Variants in CDC42BPG observed in about 807,000 individuals in gnomAD.
CDC42BPG encodes serine/threonine-protein kinase MRCK gamma.
A neutral mutation model predicts 192.2 loss-of-function variants in CDC42BPG; 157 were observed. The observed-to-expected ratio is 0.82, with a 90% CI of 0.72 to 0.93. The LOEUF (loss-of-function observed/expected upper bound fraction) is 0.93, where lower values mean the gene tolerates loss of function less well. Ranked by LOEUF, CDC42BPG falls within the 40% of genes least tolerant of loss-of-function variation. The probability of loss-of-function intolerance (pLI) is 0.00; values close to 1 mark genes in which losing one functional copy is unlikely to be tolerated. For synonymous variants in CDC42BPG, 981 were observed against 918.5 expected (o/e 1.07, Z -1.23); for missense variants, 1,992 against 2,122.1 (o/e 0.94, Z 1.20).
chr11:64,838,577 G>T (rs970746699), intron 8 of CDC42BPG, 77 bp downstream of exon 8: 2 of 1,575,094 alleles, frequency 1.3e-6, no homozygotes, highest in Non-Finnish European at 1.7e-6. Context: ...CCACCCCAGG[G>T]GACTTCAGAG....
Position 64,832,881 on chromosome 11 carries a change from G to A in CDC42BPG, c.2810C>T (p.Ala937Val), listed in dbSNP as rs1452981175. The A allele has an allele frequency of 1.9e-6, 3 of 1,559,216 alleles. No homozygotes were observed. The highest frequency in any genetic ancestry group is 4.8e-5 in the East Asian group (2 of 41,260). ...CPVPPDLLRT[A>V]LGVHPETGTG... is the part of the protein sequence containing the mutation. Reference sequence around the variant, plus strand: ...GCCTGTTTCGGGGTGTACTCCCAGGGCTGTGCGGAGGAGGTCAGGGGGCAC... The same window carrying A: ...GCCTGTTTCGGGGTGTACTCCCAGGACTGTGCGGAGGAGGTCAGGGGGCAC... Residue 937 changes from alanine to valine, a missense_variant, in exon 25 of 37, where the codon GCC (alanine) becomes GTC (valine). Transcript: ENST00000342711.
Position 64,838,732 on chromosome 11 carries a change from C to G in CDC42BPG, c.1047G>C (p.Thr349=), listed in dbSNP as rs749844783. 5.6e-6 allele frequency: 9 copies of G among 1,612,864 alleles called. No individual in the cohort carries two copies. The highest frequency in any genetic ancestry group is 2.2e-5 in the East Asian group (1 of 44,898). ...GVDWERLASS[T]APYIPELRGP... is the part of the protein sequence containing the mutation. ...CCCGCAGCTCAGGAATATAGGGGGC[C>G]GTGCTGCTCGCCAGCCGCTCCCAGT... The change falls in exon 8 of 37, where the codon ACG becomes ACC. Residue 349 remains threonine, a synonymous_variant. Coordinates refer to ENST00000342711, the MANE Select transcript of CDC42BPG (RefSeq NM_017525.3).
intron 4 of CDC42BPG, 69 bp from the exon 5 acceptor site, chr11:64,840,337 G>A (rs1943225435): frequency 1.3e-6 from 2 of 1,571,978 alleles, no homozygotes; most frequent in Middle Eastern, 1.7e-4. Context: ...CGGTCCCGCA[G>A]GGCTCTGGGA....
Position 64,833,337 on chromosome 11 carries a change from C to T in CDC42BPG, c.2626-1G>A. 2 of 1,469,160 alleles carry T rather than the reference C, an allele frequency of 1.4e-6. No individual in the cohort carries two copies. The highest frequency in any genetic ancestry group is 1.8e-6 in the Non-Finnish European group (2 of 1,088,024). 91.0% of individuals were successfully genotyped at this position (1,469,160 alleles called of 1,614,324 possible). A position where few individuals can be genotyped will look rare whatever the true frequency, so the allele number is the denominator to read the frequency against. On this transcript the variant is annotated splice_acceptor_variant, in intron 23 of 36. Transcript: ENST00000342711. LOFTEE classifies it high-confidence loss of function. ...GGGGGCGCAGCGTGTGTGAGCCGGG[C>T]TGGGGAGGGGGACAGCCATTACCCA...
Position 64,831,564 on chromosome 11 carries a change from T to C in CDC42BPG, c.3245A>G (p.Lys1082Arg), listed in dbSNP as rs754935812. The stretch of plus-strand genomic sequence containing the variant: ...CGGCAGCCCGTTGTCGTAAGCCTCC[T>C]TGAGTGTGTACACGGGCCGGGGTCT... Reference protein sequence around the residue: ...RPRPRPVYTLKEAYDNGLPLL... With the variant: ...RPRPRPVYTLREAYDNGLPLL... Residue 1082 changes from lysine (K) to arginine (R), a missense_variant, in exon 28 of 37, where the codon AAG (lysine) becomes AGG (arginine). Around this residue, in one of 2 missense-constraint regions of CDC42BPG, gnomAD observed 1,656 missense variants for 1,844.3 expected, o/e 0.90. Coordinates refer to ENST00000342711, the MANE Select transcript of CDC42BPG (RefSeq NM_017525.3). The C allele has an allele frequency of 6.2e-7, 1 of 1,612,668 alleles. No homozygotes were observed. Among genetic ancestry groups the C allele is most frequent in the South Asian group, 1.1e-5 (1 of 91,058 alleles).
In CDC42BPG at chr11:64,840,627, G is replaced by A. The variant is rs1592723719; in HGVS notation, c.358C>T (p.Arg120Trp). 1.2e-6 allele frequency: 2 copies of A among 1,613,858 alleles called. No individual in the cohort carries two copies. The highest frequency in any genetic ancestry group is 1.7e-6 in the Non-Finnish European group (2 of 1,180,012). The change falls in exon 4 of 37, where the codon CGG (arginine) becomes TGG (tryptophan). Residue 120 changes from arginine (R) to tryptophan (W), a missense_variant. By Grantham distance (101) the Arg-to-Trp change is moderately radical (BLOSUM62 -3). Transcript: ENST00000342711. ...CTGTCCCCTTTCACGAGCACATCCC[G>A]CTCCTCCCGGAAACAGGCTGTCTGC... ...RAETACFREE[R>W]DVLVKGDSRW... is the part of the protein sequence containing the mutation.
Position 64,827,697 on chromosome 11 carries a change from G to T in CDC42BPG, c.4054C>A (p.Pro1352Thr), listed in dbSNP as rs1243399507. 1 of 1,611,532 alleles carries T rather than the reference G, an allele frequency of 6.2e-7. No individual in the cohort carries two copies. The highest frequency in any genetic ancestry group is 1.3e-5 in the African/African-American group (1 of 74,984). The stretch of plus-strand genomic sequence containing the variant: ...TGGCGGACCCTCACCTTCTTGAGCG[G>T]CACGGTCTGCACCCATTCTGCCCTC... ...VRRAEWVQTV[P>T]LKKVRPLNPE... is the part of the protein sequence containing the mutation. Residue 1352 changes from proline (P) to threonine (T), a missense_variant, in exon 31 of 37, where the codon CCG becomes ACG. Pro to Thr is a conservative substitution (Grantham distance 38). Coordinates refer to ENST00000342711, the MANE Select transcript of CDC42BPG (RefSeq NM_017525.3).
intron 8 of CDC42BPG, 114 bp from the exon 9 acceptor site, chr11:64,838,276 G>T (rs1943113952): frequency 2.6e-6 from 2 of 768,606 alleles, no homozygotes; most frequent in Non-Finnish European, 2.1e-6. Context: ...GGGAACTCAG[G>T]GGGGTAACAC....
At chr11:64,826,441 G>GGAC in intron 36 of CDC42BPG, 29 bp downstream of exon 36, 1 of 1,509,204 alleles carries the variant, frequency 6.6e-7, no homozygotes. Flanking sequence ...TTTGAATAGG[G>GGAC]GACGGACAAG....
rs1942474076 is a variant in CDC42BPG, at chr11:64,827,295, C to T, written c.4254G>A (p.Gln1418=). 1 of 1,613,916 alleles carries T rather than the reference C, an allele frequency of 6.2e-7. No homozygotes were observed. The highest frequency in any genetic ancestry group is 8.5e-7 in the Non-Finnish European group (1 of 1,179,916). ...ACGCGCACCTGCGCTGCTGCTTCTG[C>T]TGCTCCTCCGACACGCGGAAAAAGA... ...RRFFFRVSEE[Q]QKQQRREMLK... Residue 1418 remains glutamine, a synonymous_variant, in exon 33 of 37, where the codon CAG becomes CAA. Transcript: ENST00000342711.
Position 64,823,575 on chromosome 11 carries a change from CT to C in CDC42BPG, c.*897del, listed in dbSNP as rs1942318956. 6.6e-6 allele frequency: 1 copy of C among 152,148 alleles called. No homozygotes were observed. Among genetic ancestry groups the C allele is most frequent in the Non-Finnish European group, 1.5e-5 (1 of 68,020 alleles). 9.4% of individuals were successfully genotyped at this position (152,148 alleles called of 1,614,324 possible). On this transcript the variant is annotated 3_prime_UTR_variant, in exon 37 of 37. Transcript: ENST00000342711. ...ATGCGCCCTAGTTTCCAATACACAACTGGTTGAAGATTCGAGAAAAACGACC... is the reference window on the plus strand; with the variant it reads ...ATGCGCCCTAGTTTCCAATACACAACGGTTGAAGATTCGAGAAAAACGACC...
chr11:64,826,367 G>T, intron 36 of CDC42BPG, 103 bp downstream of exon 36: 1 of 797,350 alleles, frequency 1.3e-6, no homozygotes, highest in Non-Finnish European at 2.1e-6. Flanking sequence ...GCAGGGATGG[G>T]CTCAGCTTGT....
Position 64,824,344 on chromosome 11 carries a change from T to C in CDC42BPG, c.*129A>G. The C allele has an allele frequency of 3.8e-6, 3 of 783,316 alleles. No homozygotes were observed. Among genetic ancestry groups the C allele is most frequent in the South Asian group, 2.8e-5 (2 of 72,328 alleles). The allele number at this position is 783,316 out of a possible 1,614,324, so 48.5% of individuals were successfully genotyped here. A position where few individuals can be genotyped will look rare whatever the true frequency, so the allele number is the denominator to read the frequency against. ...GAACCCAGGCAAGTCTCCCAGTCAT[T>C]GCCCAGCCCGGGTCCTCCCTGAGTC... On this transcript the variant is annotated 3_prime_UTR_variant, in exon 37 of 37. Transcript: ENST00000342711.
chr11:64,823,108 A>G lies in CDC42BPG; in HGVS notation c.*1365T>C, dbSNP rs1358059108. 1.5e-5 allele frequency among the ~76,000 whole-genome samples: 2 copies of G among 135,592 alleles called. No individual in the cohort carries two copies. The highest frequency in any genetic ancestry group is 4.1e-4 in the East Asian group (2 of 4,902). The allele number at this position is 135,592 out of a possible 152,430, so 89.0% of individuals were successfully genotyped here. A position where few individuals can be genotyped will look rare whatever the true frequency, so the allele number is the denominator to read the frequency against. On this transcript the variant is annotated 3_prime_UTR_variant, in exon 37 of 37. Coordinates refer to ENST00000342711, the MANE Select transcript of CDC42BPG (RefSeq NM_017525.3). ...TCTTTTCTTTTTTTTTTTTTTTGAG[A>G]CGGAGTCTCACTCTGTCACCCAGGC...
At position 64,833,068 on chromosome 11, in the gene CDC42BPG, G is replaced by A. The variant is rs578024283; in HGVS notation, c.2732-109C>T. The A allele has an allele frequency of 8.7e-3, 11,891 of 1,374,318 alleles. 59 individuals are homozygous for A. Among genetic ancestry groups the A allele is most frequent in the Non-Finnish European group, 0.011 (10,725 of 1,016,782 alleles). 85.1% of individuals were successfully genotyped at this position (1,374,318 alleles called of 1,614,324 possible). On this transcript the variant is annotated intron_variant, in intron 24 of 36. Transcript: ENST00000342711. The stretch of plus-strand genomic sequence containing the variant: ...CTTCCCTGAAGCCACGGTGGCACCC[G>A]AACTGTCCCCAATTCCTCATCAAGT...
intron 20 of CDC42BPG, 82 bp from the exon 21 acceptor site, chr11:64,834,059 A>C: frequency 6.3e-7 from 1 of 1,580,842 alleles, no homozygotes; most frequent in Middle Eastern, 1.8e-4. Context: ...TTCCCACCTC[A>C]GTAAAATGGG....
rs566047867 is a variant in CDC42BPG, at chr11:64,839,498, G to C, written c.655C>G (p.Arg219Gly). 5 of 1,613,050 alleles carry C rather than the reference G, an allele frequency of 3.1e-6. No homozygotes were observed. Among genetic ancestry groups the C allele is most frequent in the African/African-American group, 2.7e-5 (2 of 74,942 alleles). Residue 219 changes from arginine (R) to glycine (G), a missense_variant, in exon 6 of 37, where the codon CGT (arginine) becomes GGT (glycine). Arg to Gly is a moderately radical substitution (Grantham distance 125, BLOSUM62 -2). This residue lies in a region of CDC42BPG where 1,656 missense variants were observed against 1,844.3 expected (regional missense o/e 0.90). Transcript: ENST00000342711. ...CTTACCATGCCGTTGGTGTTGAGAC[G>C]CAGGCAGGAGCCGAAGTCAGCCAGG... is the stretch of plus-strand genomic sequence containing the variant. ...IRLADFGSCL[R>G]LNTNGMVDSS...
intron 18 of CDC42BPG, 104 bp downstream of exon 18, chr11:64,834,745 G>T: frequency 7.5e-7 from 1 of 1,342,164 alleles, no homozygotes; most frequent in Non-Finnish European, 1.0e-6. Context: ...TCATGAGCTT[G>T]GTGTCCCCAC....
At chr11:64,835,229 G>A in intron 16 of CDC42BPG, 76 bp from the exon 17 acceptor site, 1 of 1,602,452 alleles carries the variant, frequency 6.2e-7, no homozygotes, top group Non-Finnish European at 8.5e-7. Context: ...AGGTACCCCA[G>A]CACCCCGAGC....
Sources: allele counts gnomAD v4.1 joint callset (sites outside exome capture counted in the v4.1 genomes callset), GRCh38; gene constraint gnomAD v4.1.1; regional missense constraint gnomAD v4.1.1; transcripts MANE v1.5; gene names NCBI Gene and HGNC (gene_info 2026-07-23, HGNC 2026-07-21).